Variants in TMEM117 observed in about 807,000 individuals in gnomAD.
The protein encoded by TMEM117 is transmembrane protein 117.
A neutral mutation model predicts 52.4 loss-of-function variants in TMEM117; 27 were observed. The observed-to-expected ratio is 0.51, with a 90% confidence interval of 0.38 to 0.71. The LOEUF is 0.71. Ranked by LOEUF, TMEM117 falls within the 30% of genes least tolerant of loss-of-function variation. TMEM117 has a pLI of 0.00. For missense variants in TMEM117, 556 were observed against 630.5 expected, an observed-to-expected ratio of 0.88 and a Z score of 1.26; for synonymous variants, 215 against 206.3, an observed-to-expected ratio of 1.04 and a Z score of -0.36.
intron 3 of TMEM117, among the ~76,000 whole-genome samples, chr12:44,125,499 G>A (rs566220401): frequency 1.3e-5 from 2 of 152,212 alleles, no homozygotes; most frequent in Admixed American, 6.5e-5. Flanking sequence ...TTATGTGTTA[G>A]AAGTATTTAT....
the TMEM117 span, among the ~76,000 whole-genome samples, chr12:43,822,788 T>C: frequency 6.6e-6 from 1 of 151,940 alleles, no homozygotes; most frequent in Non-Finnish European, 1.5e-5. Flanking sequence ...TCCCAGCTAC[T>C]TGGGAGGCCG....
At chr12:44,124,354 A>G (rs1948287506) in intron 3 of TMEM117, among the ~76,000 whole-genome samples, 2 of 152,218 alleles carry the variant, frequency 1.3e-5, no homozygotes, top group Admixed American at 6.5e-5. Flanking sequence ...GCAAGCAAAG[A>G]CAATTTGACT....
intron 5 of TMEM117, among the ~76,000 whole-genome samples, chr12:44,257,914 T>C (rs975431159): frequency 6.6e-6 from 1 of 152,168 alleles, no homozygotes; most frequent in Non-Finnish European, 1.5e-5. Flanking sequence ...AACTCATTGC[T>C]ATTAAGTCAT....
At chr12:44,193,789 G>T (rs1161194521) in intron 4 of TMEM117, among the ~76,000 whole-genome samples, 1 of 152,172 alleles carries the variant, frequency 6.6e-6, no homozygotes, top group Non-Finnish European at 1.5e-5. Context: ...ATTTTGGAGA[G>T]ATCCCAGGTT....
intron 6 of TMEM117, among the ~76,000 whole-genome samples, chr12:44,323,413 CT>C (rs1428128915): frequency 3.3e-5 from 5 of 152,010 alleles, no homozygotes; most frequent in Non-Finnish European, 7.4e-5. Context: ...CCCTATTGCT[CT>C]TTTTTTATTA....
chr12:44,327,730 T>C (rs944777148), intron 6 of TMEM117, among the ~76,000 whole-genome samples: 4 of 152,190 alleles, frequency 2.6e-5, no homozygotes, highest in Admixed American at 2.6e-4. Flanking sequence ...CTAGTTTTTC[T>C]AGCAATCAGT....
chr12:44,127,412 C>T (rs1308704557), intron 3 of TMEM117, among the ~76,000 whole-genome samples: 5 of 151,770 alleles, frequency 3.3e-5, no homozygotes, highest in South Asian at 4.2e-4. Flanking sequence ...CACGGTGGCG[C>T]GTGCCTGTTA....
rs574821806 is a variant in TMEM117 at position 43,862,557 on chromosome 12, A to G, written c.277+17629A>G. Among the ~76,000 whole-genome samples, 11 of 152,376 alleles carry G rather than the reference A, an allele frequency of 7.2e-5. No individual in the cohort carries two copies. In the South Asian group the frequency reaches 2.3e-3, roughly 32 times the overall value. ...TGAATGCCTGACTGGGAGAAATTAAAAAGTCCTGACTGATATAGAAATTTA... is the reference window on the plus strand; with the variant it reads ...TGAATGCCTGACTGGGAGAAATTAAGAAGTCCTGACTGATATAGAAATTTA... On this transcript the variant is annotated intron_variant, in intron 2 of 7. Transcript: ENST00000266534.
rs113003020 is a variant in TMEM117 at position 43,865,774 on chromosome 12, C to G, written c.277+20846C>G. ...GTATCAAATCAAGCCTTCACAAGTT[C>G]AAAGTGATTAGCCAGTAATTTTAAA... On this transcript the variant is annotated intron_variant, in intron 2 of 7. Transcript: ENST00000266534. Among the ~76,000 whole-genome samples, 1,172 of 149,526 alleles carry G rather than the reference C, an allele frequency of 7.8e-3. 47 individuals carry two copies. Among genetic ancestry groups the G allele is most frequent in the African/African-American group, 0.027 (1,095 of 40,270 alleles).
chr12:44,152,013 T>G (rs1454295654), intron 4 of TMEM117, among the ~76,000 whole-genome samples: 1 of 118,952 alleles, frequency 8.4e-6, no homozygotes, highest in African/African-American at 3.3e-5. Context: ...ATAATATATA[T>G]TATATATTTA....
chr12:44,124,041 A>T (rs1369859168), intron 3 of TMEM117, among the ~76,000 whole-genome samples: 2 of 151,882 alleles, frequency 1.3e-5, no homozygotes, highest in Admixed American at 6.6e-5. Context: ...TGAGCATGGA[A>T]TTTTTTTTCC....
intron 5 of TMEM117, among the ~76,000 whole-genome samples, chr12:44,215,686 G>A (rs968340986): frequency 6.6e-6 from 1 of 151,656 alleles, no homozygotes; most frequent in Admixed American, 6.6e-5. Context: ...GCTTTTGAAG[G>A]GAAGAATTTT....
chr12:43,860,122 C>T (rs1424110658), intron 2 of TMEM117, among the ~76,000 whole-genome samples: 1 of 152,160 alleles, frequency 6.6e-6, no homozygotes, highest in Non-Finnish European at 1.5e-5. Flanking sequence ...TTGCTGCACC[C>T]ATCAACCCAT....
intron 4 of TMEM117, among the ~76,000 whole-genome samples, chr12:44,174,664 G>C (rs1949094420): frequency 6.6e-6 from 1 of 152,072 alleles, no homozygotes; most frequent in Admixed American, 6.5e-5. Flanking sequence ...CACTGTGTTT[G>C]TTTCTAAAAT....
intron 3 of TMEM117, among the ~76,000 whole-genome samples, chr12:44,052,847 C>G (rs1946996589): frequency 6.6e-6 from 1 of 152,104 alleles, no homozygotes; most frequent in Non-Finnish European, 1.5e-5. Context: ...TGTAGGCTCA[C>G]TTTCATTCTA....
Position 43,895,656 on chromosome 12 carries a change from T to G in TMEM117, c.278-48554T>G, listed in dbSNP as rs1944188124. On this transcript the variant is annotated intron_variant, in intron 2 of 7. Transcript: ENST00000266534. The stretch of plus-strand genomic sequence containing the variant: ...AAGTGGTGGAGAAAATTTGCCAGTC[T>G]CATGTTATACATGAGAAATGGTCAA... Among the ~76,000 whole-genome samples the G allele has an allele frequency of 2.0e-5, 3 of 152,312 alleles. No homozygotes were observed. The South Asian group carries it at 6.2e-4, about 32-fold the overall frequency.
chr12:43,806,059 C>T, the TMEM117 span: 17 of 1,518,680 alleles, frequency 1.1e-5, no homozygotes, highest in East Asian at 2.0e-4. Context: ...CGGCAGCGCC[C>T]GGGAAGCAGG....
chr12:43,933,942 G>A (rs921174926), intron 2 of TMEM117, among the ~76,000 whole-genome samples: 1 of 152,160 alleles, frequency 6.6e-6, no homozygotes, highest in Admixed American at 6.5e-5. Flanking sequence ...TGGATTCAAA[G>A]AATTTTGATT....
chr12:44,190,103 G>A (rs912677604), intron 4 of TMEM117, among the ~76,000 whole-genome samples: 26 of 152,300 alleles, frequency 1.7e-4, no homozygotes, highest in Admixed American at 4.6e-4. Flanking sequence ...TCCATCTAGG[G>A]AAAGTAATAA....
Sources: allele counts gnomAD v4.1 joint callset (sites outside exome capture counted in the v4.1 genomes callset), GRCh38; gene constraint gnomAD v4.1.1; transcripts MANE v1.5; gene names NCBI Gene and HGNC (gene_info 2026-07-23, HGNC 2026-07-21).